The following FBXO40 variants were observed in gnomAD, a reference collection of about 807,000 sequenced individuals.
FBXO40 encodes the protein F-box only protein 40.
In FBXO40, 50 loss-of-function variants were observed where a neutral mutation model predicts 49.9. The observed-to-expected ratio is 1.00, with a 90% CI of 0.80 to 1.27. FBXO40 has a LOEUF of 1.27. FBXO40 is among the 50% of genes most tolerant of loss of function. The pLI, the probability that FBXO40 is intolerant of heterozygous loss-of-function variation, is 0.00. For missense variants in FBXO40, 895 were observed against 870.1 expected (o/e 1.03, Z -0.36); for synonymous variants, 340 against 320.2 (o/e 1.06, Z -0.66).
At chr3:121,599,827 A>T (rs1365328548) in intron 1 of FBXO40, among the ~76,000 whole-genome samples, 1 of 149,738 alleles carries the variant, frequency 6.7e-6, no homozygotes, top group African/African-American at 2.5e-5. Flanking sequence ...GGTTCAAGAG[A>T]TTCTCATGCC....
intron 1 of FBXO40, among the ~76,000 whole-genome samples, chr3:121,599,659 C>T (rs1424284766): frequency 2.2e-5 from 3 of 139,224 alleles, no homozygotes; most frequent in South Asian, 2.3e-4. Context: ...AGTGCATACA[C>T]ACACACACAC....
chr3:121,622,222 A>C lies in FBXO40; in HGVS notation c.793A>C (p.Lys265Gln), dbSNP rs1195128012. 1 of 1,614,056 alleles carries C rather than the reference A, an allele frequency of 6.2e-7. No homozygotes were observed. Among genetic ancestry groups the C allele is most frequent in the African/African-American group, 1.3e-5 (1 of 74,942 alleles). Residue 265 changes from lysine (K) to glutamine (Q), a missense_variant, in exon 3 of 4, where the codon AAA becomes CAA. Lys to Gln is a moderately conservative substitution (Grantham distance 53, BLOSUM62 1). Transcript: ENST00000338040. Reference sequence around the variant, plus strand: ...CATGGTAGAAGGAGAGGGCGCTCCCAAAAAGAAAGAACCACAGGAAAATCA... The same window carrying C: ...CATGGTAGAAGGAGAGGGCGCTCCCCAAAAGAAAGAACCACAGGAAAATCA... ...HNMVEGEGAP[K>Q]KKEPQENQKQ... is the part of the protein sequence containing the mutation.
chr3:121,625,020 A>C (rs2049054156), intron 3 of FBXO40, among the ~76,000 whole-genome samples: 1 of 152,198 alleles, frequency 6.6e-6, no homozygotes, highest in Admixed American at 6.5e-5. Context: ...TGATAAAGGC[A>C]TTTTGAAATT....
chr3:121,611,324 T>C (rs1432288093), intron 1 of FBXO40, among the ~76,000 whole-genome samples: 1 of 152,146 alleles, frequency 6.6e-6, no homozygotes, highest in South Asian at 2.1e-4. Context: ...AGGAATGTAG[T>C]AGGAGGGCAA....
chr3:121,613,869 A>G (rs2048981871), intron 1 of FBXO40, among the ~76,000 whole-genome samples: 1 of 152,234 alleles, frequency 6.6e-6, no homozygotes, highest in Non-Finnish European at 1.5e-5. Flanking sequence ...ATTGTGGCTC[A>G]CGCCTGTAAT....
chr3:121,612,130 A>G (rs2048969476), intron 1 of FBXO40, among the ~76,000 whole-genome samples: 1 of 151,978 alleles, frequency 6.6e-6, no homozygotes, highest in African/African-American at 2.4e-5. Context: ...TCTCAAATTC[A>G]TCTATGAATT....
chr3:121,614,332 C>T (rs182143698), intron 1 of FBXO40, among the ~76,000 whole-genome samples: 2 of 149,510 alleles, frequency 1.3e-5, no homozygotes, highest in African/African-American at 4.9e-5. Context: ...ATCCTAGCTA[C>T]TCAGGAGGCT....
intron 1 of FBXO40, among the ~76,000 whole-genome samples, chr3:121,615,750 C>G (rs767594738): frequency 4.6e-5 from 7 of 152,128 alleles, no homozygotes; most frequent in Non-Finnish European, 7.4e-5. Flanking sequence ...GCTGCACTCT[C>G]AGGACATCTG....
At chr3:121,599,196 G>A (rs11923719) in intron 1 of FBXO40, among the ~76,000 whole-genome samples, 44 of 152,220 alleles carry the variant, frequency 2.9e-4, no homozygotes, top group Non-Finnish European at 4.7e-4. Context: ...GGCCAGGGGT[G>A]GTGGCTCACA....
At chr3:121,595,592 T>C (rs1380564770) in intron 1 of FBXO40, among the ~76,000 whole-genome samples, 1 of 152,036 alleles carries the variant, frequency 6.6e-6, no homozygotes, top group Non-Finnish European at 1.5e-5. Flanking sequence ...TGGGAGAGGG[T>C]GGTTCTGTTT....
chr3:121,600,349 A>G (rs1400844556), intron 1 of FBXO40, among the ~76,000 whole-genome samples: 1 of 152,060 alleles, frequency 6.6e-6, no homozygotes, highest in Non-Finnish European at 1.5e-5. Context: ...TATGTAGTGC[A>G]TAGTTTTTAA....
chr3:121,610,109 T>C (rs944456457), intron 1 of FBXO40, among the ~76,000 whole-genome samples: 6 of 152,158 alleles, frequency 3.9e-5, no homozygotes, highest in African/African-American at 1.4e-4. Flanking sequence ...CACATTGGTT[T>C]ACACCCAGGA....
chr3:121,612,322 C>A (rs933741797), intron 1 of FBXO40, among the ~76,000 whole-genome samples: 1 of 152,154 alleles, frequency 6.6e-6, no homozygotes. Flanking sequence ...AAGCTAGGCT[C>A]TTTGGGGAAC....
intron 1 of FBXO40, among the ~76,000 whole-genome samples, chr3:121,605,456 G>A (rs1279704574): frequency 1.3e-5 from 2 of 152,176 alleles, no homozygotes; most frequent in African/African-American, 2.4e-5. Flanking sequence ...GCATTGTCTT[G>A]CAGGAATCCA....
intron 1 of FBXO40, among the ~76,000 whole-genome samples, chr3:121,597,886 C>T (rs1307534360): frequency 6.6e-6 from 1 of 152,132 alleles, no homozygotes; most frequent in Admixed American, 6.5e-5. Context: ...TGGTGTCAAA[C>T]TCCTGACCTC....
intron 1 of FBXO40, among the ~76,000 whole-genome samples, chr3:121,597,790 C>T (rs1448410612): frequency 1.3e-5 from 2 of 151,432 alleles, no homozygotes; most frequent in African/African-American, 2.4e-5. Context: ...GTCTCCCGAG[C>T]GTCTGGGATT....
At chr3:121,621,287 G>T in intron 2 of FBXO40, 146 bp from the exon 3 acceptor site, 1 of 641,574 alleles carries the variant, frequency 1.6e-6, no homozygotes. Context: ...CTGGATTGTG[G>T]GATTGTGATA....
At chr3:121,610,635 C>T (rs985997996) in intron 1 of FBXO40, among the ~76,000 whole-genome samples, 1 of 151,954 alleles carries the variant, frequency 6.6e-6, no homozygotes, top group East Asian at 1.9e-4. Flanking sequence ...TTCTTACTTC[C>T]TTTTTTTGTT....
intron 1 of FBXO40, among the ~76,000 whole-genome samples, chr3:121,595,625 A>C (rs2048867698): frequency 6.6e-6 from 1 of 152,234 alleles, no homozygotes; most frequent in African/African-American, 2.4e-5. Context: ...AAGGTACTGG[A>C]ATCGCAGCGT....
Sources: allele counts gnomAD v4.1 joint callset (sites outside exome capture counted in the v4.1 genomes callset), GRCh38; gene constraint gnomAD v4.1.1; transcripts MANE v1.5; gene names NCBI Gene and HGNC (gene_info 2026-07-23, HGNC 2026-07-21).